CEP170: variants seen among roughly 807,000 people sequenced by gnomAD.
The protein encoded by CEP170 is centrosomal protein of 170 kDa.
Under a neutral mutation model 151.9 loss-of-function variants are expected in CEP170, and 21 were observed. The ratio of observed to expected loss-of-function variants is 0.14; its 90% CI spans 0.10 to 0.20. The LOEUF (loss-of-function observed/expected upper bound fraction) is 0.20. CEP170 is among the 10% of genes least tolerant of loss of function. CEP170 has a pLI of 1.00. For synonymous variants in CEP170, 356 were observed against 648.8 expected, an observed-to-expected ratio of 0.55 and a Z score of 6.86; for missense variants, 964 against 1,892.9, an observed-to-expected ratio of 0.51 and a Z score of 9.11.
intron 1 of CEP170, among the ~76,000 whole-genome samples, chr1:243,228,009 GAAT>G (rs1212349410): frequency 5.3e-5 from 8 of 152,062 alleles, no homozygotes; most frequent in African/African-American, 7.2e-5. Context: ...AGTAAAATAA[GAAT>G]AATGTCAGTT....
intron 12 of CEP170, chr1:243,168,489 T>C (rs545499387): frequency 6.6e-6 from 1 of 152,140 alleles, no homozygotes; most frequent in East Asian, 1.9e-4. Context: ...TATATGTTTA[T>C]GGTGTATAAA....
chr1:243,161,701 A>G (rs1166547522), intron 13 of CEP170, among the ~76,000 whole-genome samples: 1 of 152,100 alleles, frequency 6.6e-6, no homozygotes, highest in African/African-American at 2.4e-5. Flanking sequence ...ATTTTTACAT[A>G]TCCAATTGGG....
chr1:243,125,512 T>A lies in CEP170; in HGVS notation c.*937A>T, dbSNP rs2053628341. 6.5e-6 allele frequency: 1 copy of A among 152,730 alleles called. No individual in the cohort carries two copies. The highest frequency in any genetic ancestry group is 2.1e-4 in the South Asian group (1 of 4,836). 9.5% of individuals were successfully genotyped at this position (152,730 alleles called of 1,614,324 possible). A position where few individuals can be genotyped will look rare whatever the true frequency, so the allele number is the denominator to read the frequency against. On this transcript the variant is annotated 3_prime_UTR_variant, in exon 20 of 20. Coordinates refer to ENST00000366542, the MANE Select transcript of CEP170 (RefSeq NM_014812.3). The stretch of plus-strand genomic sequence containing the variant: ...TGATCATTTCAAGGGAATTTCTTTT[T>A]CAACTGTCACATATAAACTTGGTAA...
chr1:243,212,538 C>T (rs2061901505), intron 3 of CEP170, among the ~76,000 whole-genome samples: 2 of 152,214 alleles, frequency 1.3e-5, no homozygotes. Flanking sequence ...GAAATTCTGC[C>T]ATTTTATCAT....
intron 4 of CEP170, among the ~76,000 whole-genome samples, chr1:243,209,772 C>T (rs1344012630): frequency 1.1e-4 from 16 of 151,886 alleles, no homozygotes; most frequent in African/African-American, 3.6e-4. Context: ...CTCCGCCTCC[C>T]GGGTTCACAC....
intron 1 of CEP170, among the ~76,000 whole-genome samples, chr1:243,241,084 G>A (rs576349973): frequency 6.6e-6 from 1 of 152,340 alleles, no homozygotes; most frequent in Non-Finnish European, 1.5e-5. Flanking sequence ...TAAATGAACA[G>A]AGAATTGTAG....
intron 4 of CEP170, among the ~76,000 whole-genome samples, chr1:243,207,337 T>C (rs905688135): frequency 6.6e-6 from 1 of 152,166 alleles, no homozygotes; most frequent in African/African-American, 2.4e-5. Context: ...TTCATCAAGA[T>C]AGCATAATAA....
chr1:243,158,386 G>A (rs1236074386), intron 13 of CEP170, among the ~76,000 whole-genome samples: 9 of 152,116 alleles, frequency 5.9e-5, no homozygotes, highest in Non-Finnish European at 1.0e-4. Context: ...AAACTAGAGA[G>A]AAAAGAAAAG....
intron 12 of CEP170, chr1:243,166,656 T>C (rs1207177195): frequency 6.6e-6 from 1 of 152,074 alleles, no homozygotes; most frequent in East Asian, 1.9e-4. Flanking sequence ...GCTGCACAAA[T>C]AAGCAATTCC....
intron 7 of CEP170, among the ~76,000 whole-genome samples, chr1:243,194,138 G>T (rs1410414130): frequency 6.6e-6 from 1 of 151,448 alleles, no homozygotes; most frequent in African/African-American, 2.4e-5. Flanking sequence ...CTTGGGCAGG[G>T]TACAAAAGTG....
At chr1:243,243,206 A>G (rs902356748) in intron 1 of CEP170, among the ~76,000 whole-genome samples, 1 of 152,148 alleles carries the variant, frequency 6.6e-6, no homozygotes, top group Admixed American at 6.5e-5. Flanking sequence ...CCTGGGCGAC[A>G]GAGTGAGAGA....
rs552141564 is a variant in CEP170 at position 243,189,283 on chromosome 1, G to A, written c.1108+1735C>T. On this transcript the variant is annotated intron_variant, in intron 8 of 19. Transcript: ENST00000366542. ...AAATAATAGTCGATACAGGCCAGGC[G>A]CGGTGGCTCACGCCTGTAACCCCAG... Among the ~76,000 whole-genome samples the A allele has an allele frequency of 5.8e-3, 883 of 152,208 alleles. 11 individuals are homozygous for A. The highest frequency in any genetic ancestry group is 0.02 in the African/African-American group (814 of 41,518).
rs528314247 is a variant in CEP170, at chr1:243,206,801, C to T, written c.274+5085G>A. Reference sequence around the variant, plus strand: ...TGACATCATAGCACAAAGGTCAAGACGAAAGTATACTGTTGTAATGTTCTT... The same window carrying T: ...TGACATCATAGCACAAAGGTCAAGATGAAAGTATACTGTTGTAATGTTCTT... On this transcript the variant is annotated intron_variant, in intron 4 of 19. Coordinates refer to ENST00000366542, the MANE Select transcript of CEP170 (RefSeq NM_014812.3). 5.0e-4 allele frequency among the ~76,000 whole-genome samples: 76 copies of T among 152,118 alleles called. 1 individual carries two copies. The highest frequency in any genetic ancestry group is 1.7e-3 in the African/African-American group (71 of 41,486).
chr1:243,132,632 A>G (rs2054551183), intron 17 of CEP170, among the ~76,000 whole-genome samples: 1 of 152,192 alleles, frequency 6.6e-6, no homozygotes, highest in East Asian at 1.9e-4. Context: ...CTGAGACAAC[A>G]CAGGTTATCA....
chr1:243,154,487 T>A (rs1558435011), intron 14 of CEP170, among the ~76,000 whole-genome samples: 1 of 152,210 alleles, frequency 6.6e-6, no homozygotes, highest in Non-Finnish European at 1.5e-5. Context: ...TCCACCACCC[T>A]CCTTTTTTCT....
At chr1:243,246,334 C>T (rs777379439) in intron 1 of CEP170, among the ~76,000 whole-genome samples, 11 of 147,794 alleles carry the variant, frequency 7.4e-5, no homozygotes, top group East Asian at 2.0e-4. Flanking sequence ...TGGATTAAAG[C>T]GATTCTCCTG....
rs765585267 is a variant in CEP170 at position 243,225,276 on chromosome 1, C to T, written c.5G>A (p.Ser2Asn). Residue 2 changes from serine to asparagine, a missense_variant, in exon 2 of 20, where the codon AGC (serine) becomes AAC (asparagine). Ser to Asn is a conservative substitution (Grantham distance 46, BLOSUM62 1). Transcript: ENST00000366542. MSLTSWFLVSSG... is the reference protein window; with the variant it reads MNLTSWFLVSSG... ...GCTCACCAAAAACCAGGATGTTAAG[C>T]TCATTTTCTGCTTAGCTTCTAAGTC... 1.9e-6 allele frequency: 3 copies of T among 1,585,456 alleles called. No homozygotes were observed. The highest frequency in any genetic ancestry group is 2.6e-6 in the Non-Finnish European group (3 of 1,167,714).
intron 1 of CEP170, among the ~76,000 whole-genome samples, chr1:243,250,698 GAAC>G (rs2065856033): frequency 6.6e-6 from 1 of 152,122 alleles, no homozygotes; most frequent in African/African-American, 2.4e-5. Context: ...TAGAAAAGGA[GAAC>G]AAAATCTCAA....
chr1:243,230,089 A>G (rs1363643050), intron 1 of CEP170, among the ~76,000 whole-genome samples: 2 of 152,126 alleles, frequency 1.3e-5, no homozygotes, highest in Non-Finnish European at 2.9e-5. Context: ...GGTAGCCCAC[A>G]TATGTAATCT....
Sources: gnomAD v4.1 joint callset for allele counts (sites outside exome capture counted in the v4.1 genomes callset) on GRCh38, gnomAD v4.1.1 for gene constraint, MANE v1.5 for transcripts, NCBI Gene and HGNC (gene_info 2026-07-23, HGNC 2026-07-21) for gene names.